RGS6: variants seen among roughly 807,000 people sequenced by gnomAD.
RGS6 encodes the protein regulator of G protein signaling 6, also known as regulator of G-protein signaling 6.
RGS6 carries 30 observed loss-of-function variants against 78.5 expected under a neutral mutation model. The observed-to-expected ratio is 0.38, with a 90% confidence interval of 0.29 to 0.52. The LOEUF (loss-of-function observed/expected upper bound fraction) is 0.52. RGS6 is among the 20% of genes least tolerant of loss of function. The pLI is 0.85. For missense variants in RGS6, 495 were observed against 609.7 expected (o/e 0.81, Z 1.98); for synonymous variants, 206 against 206.0 (o/e 1.00, Z 0.00).
intron 2 of RGS6, among the ~76,000 whole-genome samples, chr14:72,076,020 T>G (rs2094561088): frequency 1.3e-5 from 2 of 152,206 alleles, no homozygotes; most frequent in African/African-American, 4.8e-5. Flanking sequence ...TTCCAGACAA[T>G]AAAACCCTCC....
At chr14:72,229,572 C>T (rs1327211895) in intron 2 of RGS6, among the ~76,000 whole-genome samples, 1 of 152,164 alleles carries the variant, frequency 6.6e-6, no homozygotes, top group African/African-American at 2.4e-5. Flanking sequence ...CAGCTCTCCC[C>T]AGATAACTGA....
chr14:72,234,871 A>G (rs1305351238), intron 2 of RGS6, among the ~76,000 whole-genome samples: 3 of 152,104 alleles, frequency 2.0e-5, no homozygotes, highest in Non-Finnish European at 4.4e-5. Flanking sequence ...TGTGGCTATA[A>G]GCTCTACAGA....
At chr14:71,914,658 C>T in the RGS6 span, among the ~76,000 whole-genome samples, 1 of 151,992 alleles carries the variant, frequency 6.6e-6, no homozygotes, top group African/African-American at 2.4e-5. Context: ...GAGTTTCACT[C>T]TTGTTGCCCA....
chr14:72,036,868 C>T lies in RGS6; in HGVS notation c.84+71993C>T, dbSNP rs541243525. Among the ~76,000 whole-genome samples the T allele has an allele frequency of 2.0e-5, 3 of 152,120 alleles. No individual in the cohort carries two copies. In the South Asian group the frequency reaches 6.2e-4, roughly 32 times the overall value. On this transcript the variant is annotated intron_variant, in intron 2 of 17. Coordinates refer to ENST00000553525, the MANE Select transcript of RGS6 (RefSeq NM_001204424.2). ...TTCTGTTATAGATCATGATTTACCC[C>T]TTTAGTTATAAAAATTTTATAATTT... is the stretch of plus-strand genomic sequence containing the variant.
At chr14:71,874,240 C>A in the RGS6 span, among the ~76,000 whole-genome samples, 1 of 151,858 alleles carries the variant, frequency 6.6e-6, no homozygotes, top group Middle Eastern at 3.2e-3. Context: ...GGCAGTATGG[C>A]CATTTTCACG....
At chr14:72,390,630 G>A (rs1391372013) in intron 3 of RGS6, among the ~76,000 whole-genome samples, 1 of 152,112 alleles carries the variant, frequency 6.6e-6, no homozygotes, top group East Asian at 1.9e-4. Context: ...ATATTTATGT[G>A]GGAAATGTTT....
intron 2 of RGS6, among the ~76,000 whole-genome samples, chr14:72,097,149 A>G (rs1458424798): frequency 6.6e-6 from 1 of 152,196 alleles, no homozygotes. Flanking sequence ...AAAGAAGTAA[A>G]CATTAACTTA....
chr14:71,940,189 A>G lies in RGS6; in HGVS notation c.-21+7248A>G, dbSNP rs941371305. On this transcript the variant is annotated intron_variant, in intron 1 of 17. Coordinates refer to ENST00000553525, the MANE Select transcript of RGS6 (RefSeq NM_001204424.2). ...CAATGTCAGCTCAGAGCCAGTGTCC[A>G]GTAGTCCCCGAAATGTCTGATCATT... is the stretch of plus-strand genomic sequence containing the variant. 3.9e-5 allele frequency among the ~76,000 whole-genome samples: 6 copies of G among 152,222 alleles called. 1 individual carries two copies. Among genetic ancestry groups the G allele is most frequent in the Admixed American group, 3.3e-4 (5 of 15,284 alleles).
intron 3 of RGS6, among the ~76,000 whole-genome samples, chr14:72,398,301 T>G (rs2091801375): frequency 6.6e-6 from 1 of 152,224 alleles, no homozygotes; most frequent in Non-Finnish European, 1.5e-5. Context: ...TGTTGAGGAA[T>G]TTATCCATTT....
At chr14:71,916,557 T>C in the RGS6 span, among the ~76,000 whole-genome samples, 1 of 152,336 alleles carries the variant, frequency 6.6e-6, no homozygotes, top group East Asian at 1.9e-4. Flanking sequence ...ATTTCAAGCA[T>C]GAATTTGCAG....
At chr14:72,603,982 G>A in the RGS6 span, among the ~76,000 whole-genome samples, 23 of 152,320 alleles carry the variant, frequency 1.5e-4, 1 homozygote, top group Non-Finnish European at 2.5e-4. Context: ...CATAGAGGAT[G>A]GGAGAGAGAG....
intron 1 of RGS6, among the ~76,000 whole-genome samples, chr14:71,954,265 C>T (rs528316313): frequency 6.6e-6 from 1 of 150,788 alleles, no homozygotes; most frequent in South Asian, 2.1e-4. Flanking sequence ...TATTTCTTCT[C>T]CTTTCTTTCT....
chr14:72,107,730 C>T (rs1054542721), intron 2 of RGS6, among the ~76,000 whole-genome samples: 1 of 152,034 alleles, frequency 6.6e-6, no homozygotes, highest in African/African-American at 2.4e-5. Flanking sequence ...AGGGTTTTAA[C>T]GTCTTCTGTA....
chr14:72,308,960 A>T (rs1520329), intron 2 of RGS6, among the ~76,000 whole-genome samples: 8,144 of 152,268 alleles, frequency 0.053, 310 homozygotes, highest in East Asian at 0.23. Context: ...AGCCTCTCTC[A>T]ACAGGGATAA....
the RGS6 span, among the ~76,000 whole-genome samples, chr14:72,608,906 CTCTT>C: frequency 5.3e-5 from 8 of 152,132 alleles, no homozygotes; most frequent in African/African-American, 7.2e-5. Flanking sequence ...CTCCCTCTCT[CTCTT>C]TCTCTCTCTC....
At chr14:71,891,696 C>T in the RGS6 span, among the ~76,000 whole-genome samples, 7 of 152,296 alleles carry the variant, frequency 4.6e-5, no homozygotes, top group Admixed American at 1.3e-4. Flanking sequence ...AAACCCAAAC[C>T]GCTACAGTCC....
intron 2 of RGS6, among the ~76,000 whole-genome samples, chr14:72,099,072 T>G (rs938764145): frequency 6.6e-6 from 1 of 152,238 alleles, no homozygotes; most frequent in Non-Finnish European, 1.5e-5. Flanking sequence ...GTATTTACTA[T>G]ATATTAGTTA....
intron 14 of RGS6, 144 bp downstream of exon 14, chr14:72,510,423 G>A (rs1273211660): frequency 2.9e-6 from 3 of 1,029,622 alleles, no homozygotes; most frequent in Non-Finnish European, 2.9e-6. Context: ...TTGAAATGGA[G>A]AAGAACAAAT....
chr14:71,977,196 C>A (rs1167067719), intron 2 of RGS6, among the ~76,000 whole-genome samples: 3 of 98,294 alleles, frequency 3.1e-5, no homozygotes, highest in Non-Finnish European at 6.5e-5. Flanking sequence ...CGAAAATTTT[C>A]TCCCATTTTG....
Sources: allele counts gnomAD v4.1 joint callset (sites outside exome capture counted in the v4.1 genomes callset), GRCh38; gene constraint gnomAD v4.1.1; transcripts MANE v1.5; gene names NCBI Gene and HGNC (gene_info 2026-07-23, HGNC 2026-07-21).